Variants in JAK2 observed in about 807,000 individuals in gnomAD.
JAK2 encodes Janus kinase 2.
A neutral mutation model predicts 139.3 loss-of-function variants in JAK2; 86 were observed. The ratio of observed to expected loss-of-function variants is 0.62; its 90% CI spans 0.52 to 0.74. The LOEUF is 0.74. Among genes scored for constraint, JAK2 ranks in the 30% least tolerant of loss-of-function variants. The probability of loss-of-function intolerance (pLI) is 0.00; values close to 1 mark genes in which losing one functional copy is unlikely to be tolerated. For missense variants in JAK2, 1,421 were observed against 1,360.3 expected (o/e 1.04, Z -0.70); for synonymous variants, 490 against 437.7 (o/e 1.12, Z -1.49).
chr9:5,040,444 AGTT>A (rs1318627958), intron 4 of JAK2, among the ~76,000 whole-genome samples: 1 of 150,872 alleles, frequency 6.6e-6, no homozygotes, highest in Non-Finnish European at 1.5e-5. Flanking sequence ...AAAGAAAAAT[AGTT>A]AAGTTAGGCT....
Position 5,081,824 on chromosome 9 carries a change from A to G in JAK2, c.2534A>G (p.Glu845Gly), listed in dbSNP as rs1819722052. The change falls in exon 19 of 25, where the codon GAA becomes GGA. Residue 845 changes from glutamate (E) to glycine (G), a missense_variant. Physicochemically the swap from Glu to Gly is moderately conservative, Grantham distance 98. Transcript: ENST00000381652. Reference sequence around the variant, plus strand: ...GAAGACCGGGATCCTACACAGTTTGAAGAGAGACATTTGAAATTTCTACAG... The same window carrying G: ...GAAGACCGGGATCCTACACAGTTTGGAGAGAGACATTTGAAATTTCTACAG... The part of the protein sequence containing the change: ...AFEDRDPTQF[E>G]ERHLKFLQQL... 2 of 1,613,738 alleles carry G rather than the reference A, an allele frequency of 1.2e-6. No individual in the cohort carries two copies. The highest frequency in any genetic ancestry group is 2.2e-5 in the East Asian group (1 of 44,880).
rs2130607110 is a variant in JAK2, at chr9:5,080,521, C to G, written c.2284-12C>G. On this transcript the variant is annotated splice_polypyrimidine_tract_variant and intron_variant, in intron 17 of 24. Coordinates refer to ENST00000381652, the MANE Select transcript of JAK2 (RefSeq NM_004972.4). ...CACAATTTATTCTCAGTTTGTGGTT[C>G]TTTAATTATAGAAGCTACAATTTTA... 4.5e-6 allele frequency: 7 copies of G among 1,572,574 alleles called. No homozygotes were observed. Among genetic ancestry groups the G allele is most frequent in the Non-Finnish European group, 6.0e-6 (7 of 1,165,728 alleles).
intron 4 of JAK2, among the ~76,000 whole-genome samples, chr9:5,039,554 A>C (rs2130264942): frequency 6.6e-6 from 1 of 152,276 alleles, no homozygotes; most frequent in South Asian, 2.1e-4. Flanking sequence ...ATGATTGTGT[A>C]TTCACAGATT....
intron 8 of JAK2, 42 bp from the exon 9 acceptor site, chr9:5,064,841 A>C (rs1287709231): frequency 6.3e-6 from 9 of 1,418,198 alleles, no homozygotes; most frequent in Non-Finnish European, 7.5e-6. Flanking sequence ...CATGGAGTTG[A>C]CTTTCTAAAA....
intron 2 of JAK2, among the ~76,000 whole-genome samples, chr9:4,986,689 T>C (rs1408831666): frequency 6.6e-6 from 1 of 152,094 alleles, no homozygotes; most frequent in Non-Finnish European, 1.5e-5. Context: ...GTTTTGGATT[T>C]TTTTTAAAAA....
At chr9:5,115,304 G>A (rs1823050876) in intron 22 of JAK2, among the ~76,000 whole-genome samples, 1 of 152,088 alleles carries the variant, frequency 6.6e-6, no homozygotes, top group South Asian at 2.1e-4. Context: ...ACAAACATAT[G>A]AAAAAAAGCT....
At chr9:5,061,944 G>T (rs1158824179) in intron 8 of JAK2, among the ~76,000 whole-genome samples, 1 of 152,178 alleles carries the variant, frequency 6.6e-6, no homozygotes, top group East Asian at 1.9e-4. Context: ...TGTGTCTGAG[G>T]GAATAGGGAG....
chr9:5,089,815 C>T lies in JAK2; in HGVS notation c.2713C>T (p.Leu905=), dbSNP rs1329148344. 2 of 1,593,248 alleles carry T rather than the reference C, an allele frequency of 1.3e-6. No homozygotes were observed. Among genetic ancestry groups the T allele is most frequent in the South Asian group, 2.3e-5 (2 of 88,588 alleles). ...AAGGGAAATTGAAATCCTGAAATCC[C>T]TACAGCATGACAACATTGTAAAGTA... ...FEREIEILKS[L]QHDNIVKYKG... is the part of the protein sequence containing the mutation. Residue 905 remains leucine (L), a synonymous_variant, in exon 20 of 25, where the codon CTA becomes TTA. Coordinates refer to ENST00000381652, the MANE Select transcript of JAK2 (RefSeq NM_004972.4).
chr9:5,070,563 ATAAC>A (rs1035085599), intron 12 of JAK2, among the ~76,000 whole-genome samples: 5 of 152,006 alleles, frequency 3.3e-5, no homozygotes, highest in East Asian at 1.9e-4. Flanking sequence ...CTTTTTTTAA[ATAAC>A]TAATTATTTT....
chr9:5,047,951 A>C (rs1425550885), intron 5 of JAK2, among the ~76,000 whole-genome samples: 1 of 152,114 alleles, frequency 6.6e-6, no homozygotes, highest in African/African-American at 2.4e-5. Flanking sequence ...GGTACATACT[A>C]TAATATTTAA....
chr9:5,001,598 T>TA (rs1820931168), intron 2 of JAK2, among the ~76,000 whole-genome samples: 1 of 151,978 alleles, frequency 6.6e-6, no homozygotes, highest in Admixed American at 6.6e-5. Flanking sequence ...ATTATTTTGT[T>TA]ATGTTCATGA....
intron 8 of JAK2, among the ~76,000 whole-genome samples, chr9:5,056,471 C>T (rs955459546): frequency 6.6e-5 from 10 of 151,978 alleles, no homozygotes; most frequent in African/African-American, 2.4e-4. Context: ...ATATGGCTTA[C>T]CTGTCTGGCT....
At chr9:5,112,699 G>T in intron 22 of JAK2, 1 of 878,102 alleles carries the variant, frequency 1.1e-6, no homozygotes, top group Non-Finnish European at 1.6e-6. Flanking sequence ...ATTTGGAGCA[G>T]CAAGTGCGAG....
chr9:5,110,838 A>C, intron 22 of JAK2: 6 of 451,466 alleles, frequency 1.3e-5, no homozygotes, highest in Non-Finnish European at 1.7e-5. Flanking sequence ...TGTTCGGGGA[A>C]GGTGGGGGGG....
intron 22 of JAK2, chr9:5,111,789 C>T (rs1822578925): frequency 2.4e-6 from 1 of 423,406 alleles, no homozygotes; most frequent in Non-Finnish European, 4.7e-6. Flanking sequence ...TCCACCTTCT[C>T]CTTGGCCCCC....
chr9:5,059,857 T>TCAAAA (rs1818031669), intron 8 of JAK2, among the ~76,000 whole-genome samples: 3 of 152,216 alleles, frequency 2.0e-5, no homozygotes, highest in Non-Finnish European at 4.4e-5. Context: ...TCTTATGAAG[T>TCAAAA]GCCTGTGACA....
In JAK2 at chr9:5,054,558, C is replaced by T; in HGVS notation, c.615-5C>T. On this transcript the variant is annotated splice_polypyrimidine_tract_variant and splice_region_variant and intron_variant, in intron 6 of 24. Coordinates refer to ENST00000381652, the MANE Select transcript of JAK2 (RefSeq NM_004972.4). The surrounding 1 kb of genome is among the most constrained non-coding windows in gnomAD (Gnocchi z 4.9). ...GTTTTTCTGTATGTGCTTTTTTATC[C>T]CTAGCTACAAGACATTCTTACCAAA... 20 of 1,537,950 alleles carry T rather than the reference C, an allele frequency of 1.3e-5. No individual in the cohort carries two copies. Among genetic ancestry groups the T allele is most frequent in the South Asian group, 5.0e-5 (4 of 79,604 alleles).
rs757896107 is a variant in JAK2 at position 5,077,423 on chromosome 9, CTTATTA to C, written c.1865-23_1865-18del. The stretch of plus-strand genomic sequence containing the variant: ...TATTTAATTATATTTATACTTAAGC[CTTATTA>C]TTATTACTTATATTTTAATGCAGAT... On this transcript the variant is annotated intron_variant, in intron 14 of 24. Coordinates refer to ENST00000381652, the MANE Select transcript of JAK2 (RefSeq NM_004972.4). 6 of 815,544 alleles carry C rather than the reference CTTATTA, an allele frequency of 7.4e-6. No homozygotes were observed. In the Admixed American group the frequency reaches 1.8e-4, roughly 24 times the overall value. 50.5% of individuals were successfully genotyped at this position (815,544 alleles called of 1,614,324 possible).
rs141801369 is a variant in JAK2, at chr9:5,087,725, C to A, written c.2572-1949C>A. On this transcript the variant is annotated intron_variant, in intron 19 of 24. Coordinates refer to ENST00000381652, the MANE Select transcript of JAK2 (RefSeq NM_004972.4). The stretch of plus-strand genomic sequence containing the variant: ...TGCTTATTGGAACATCAAATGGTAA[C>A]CACTGCCAGACAGCTTCTAATGCAG... Among the ~76,000 whole-genome samples, 13 of 152,274 alleles carry A rather than the reference C, an allele frequency of 8.5e-5. No homozygotes were observed. The East Asian group carries it at 2.3e-3, about 27-fold the overall frequency.
Sources: allele counts gnomAD v4.1 joint callset (sites outside exome capture counted in the v4.1 genomes callset), GRCh38; gene constraint gnomAD v4.1.1; non-coding constraint Gnocchi (gnomAD v3.1); transcripts MANE v1.5; gene names NCBI Gene and HGNC (gene_info 2026-07-23, HGNC 2026-07-21).